Variants in GNAL observed in about 807,000 individuals in gnomAD.
GNAL encodes guanine nucleotide-binding protein G(olf) subunit alpha.
In GNAL, 18 loss-of-function variants were observed where a neutral mutation model predicts 55.1. The ratio of observed to expected loss-of-function variants is 0.33; its 90% CI spans 0.23 to 0.48. The LOEUF (loss-of-function observed/expected upper bound fraction) is 0.48, where lower values mean the gene tolerates loss of function less well. Ranked by LOEUF, GNAL falls within the 20% of genes least tolerant of loss-of-function variation. The pLI, the probability that GNAL is intolerant of heterozygous loss-of-function variation, is 0.99. For synonymous variants in GNAL, 253 were observed against 237.0 expected, an observed-to-expected ratio of 1.07 and a Z score of -0.62; for missense variants, 412 against 614.1, an observed-to-expected ratio of 0.67 and a Z score of 3.48.
At chr18:11,797,723 C>T (rs2034427036) in intron 4 of GNAL, among the ~76,000 whole-genome samples, 1 of 149,938 alleles carries the variant, frequency 6.7e-6, no homozygotes, top group Non-Finnish European at 1.5e-5. Context: ...CATGCCATTG[C>T]ACTCCCCTTT....
At chr18:11,870,406 A>C (rs1163088472) in intron 9 of GNAL, among the ~76,000 whole-genome samples, 1 of 152,174 alleles carries the variant, frequency 6.6e-6, no homozygotes, top group African/African-American at 2.4e-5. Context: ...CTGTAATCCC[A>C]GCTACTCGGG....
At chr18:11,762,846 T>C (rs2033288020) in intron 4 of GNAL, among the ~76,000 whole-genome samples, 1 of 152,224 alleles carries the variant, frequency 6.6e-6, no homozygotes, top group Admixed American at 6.5e-5. Context: ...TTGTCTGTCA[T>C]TGGACAAAGG....
chr18:11,824,932 T>A lies in GNAL; in HGVS notation c.639T>A (p.His213Gln). The change falls in exon 5 of 12, where the codon CAT becomes CAA. Residue 213 changes from histidine to glutamine, a missense_variant. Transcript: ENST00000334049. Reference protein sequence around the residue: ...DFEYSQEFFDHVKKLWDDEGV... With the variant: ...DFEYSQEFFDQVKKLWDDEGV... The stretch of plus-strand genomic sequence containing the variant: ...TCAAACTTTAGGAATTCTTTGACCA[T>A]GTGAAAAAACTTTGGGACGATGAAG... 1 of 1,581,306 alleles carries A rather than the reference T, an allele frequency of 6.3e-7. No individual in the cohort carries two copies. Among genetic ancestry groups the A allele is most frequent in the Non-Finnish European group, 8.7e-7 (1 of 1,153,826 alleles).
At chr18:11,719,253 G>T (rs1176809484) in intron 1 of GNAL, among the ~76,000 whole-genome samples, 1 of 151,802 alleles carries the variant, frequency 6.6e-6, no homozygotes, top group African/African-American at 2.4e-5. Flanking sequence ...CCAGTCACGT[G>T]ATGGTTGAGG....
chr18:11,812,838 G>A (rs1318495954), intron 4 of GNAL, among the ~76,000 whole-genome samples: 9 of 150,314 alleles, frequency 6.0e-5, no homozygotes, highest in Admixed American at 4.0e-4. Flanking sequence ...GTGAGACTCC[G>A]TCTCAAAAAA....
chr18:11,872,991 C>G (rs1395526894), intron 10 of GNAL, among the ~76,000 whole-genome samples: 1 of 152,170 alleles, frequency 6.6e-6, no homozygotes, highest in African/African-American at 2.4e-5. Flanking sequence ...CCCAGGCCAC[C>G]TGAGACTGAG....
intron 4 of GNAL, among the ~76,000 whole-genome samples, chr18:11,791,650 A>G (rs1473496981): frequency 6.6e-6 from 1 of 152,222 alleles, no homozygotes; most frequent in Non-Finnish European, 1.5e-5. Flanking sequence ...TCTATTTAGG[A>G]AAGACTTTAT....
intron 5 of GNAL, chr18:11,853,106 T>C (rs927107880): frequency 1.2e-5 from 2 of 167,088 alleles, no homozygotes; most frequent in African/African-American, 4.8e-5. Flanking sequence ...AAAATAGAAA[T>C]AAAATTAGAA....
At position 11,862,416 on chromosome 18, in the gene GNAL, C is replaced by A; in HGVS notation, c.744C>A (p.Ser248Arg). The change falls in exon 6 of 12, where the codon AGC (serine) becomes AGA (arginine). Residue 248 changes from serine to arginine, a missense_variant. Ser to Arg is a moderately radical substitution (Grantham distance 110). Transcript: ENST00000334049. ...GCAGCTTCCTGGAAAGAATCGACAGCGTCAGCTTGGTTGACTACACACCCA... is the reference window on the plus strand; with the variant it reads ...GCAGCTTCCTGGAAAGAATCGACAGAGTCAGCTTGGTTGACTACACACCCA... ...CAQYFLERID[S>R]VSLVDYTPTD... 6.2e-7 allele frequency: 1 copy of A among 1,613,564 alleles called. No individual in the cohort carries two copies. The highest frequency in any genetic ancestry group is 1.1e-5 in the South Asian group (1 of 91,064).
chr18:11,812,805 T>G (rs950961062), intron 4 of GNAL, among the ~76,000 whole-genome samples: 1 of 151,556 alleles, frequency 6.6e-6, no homozygotes, highest in Non-Finnish European at 1.5e-5. Context: ...CTCGCACCAC[T>G]GCACTCCAGC....
intron 4 of GNAL, among the ~76,000 whole-genome samples, chr18:11,820,309 A>C (rs937071806): frequency 1.3e-5 from 2 of 152,188 alleles, no homozygotes; most frequent in Admixed American, 6.6e-5. Context: ...GCGTATTTTG[A>C]TCCCTATCAG....
intron 1 of GNAL, among the ~76,000 whole-genome samples, chr18:11,723,860 C>G (rs1270198165): frequency 6.6e-6 from 1 of 152,204 alleles, no homozygotes; most frequent in African/African-American, 2.4e-5. Context: ...CACCTCTCCC[C>G]CACTCTGCAC....
intron 1 of GNAL, among the ~76,000 whole-genome samples, chr18:11,709,358 A>C (rs2031786733): frequency 6.8e-6 from 1 of 147,600 alleles, no homozygotes; most frequent in African/African-American, 2.5e-5. Flanking sequence ...AGTCATTAGG[A>C]TTTCCCTGGG....
At chr18:11,796,353 G>A (rs989612824) in intron 4 of GNAL, among the ~76,000 whole-genome samples, 8 of 150,748 alleles carry the variant, frequency 5.3e-5, no homozygotes, top group African/African-American at 9.8e-5. Context: ...TGAGGCGGGC[G>A]GATCACGAGG....
chr18:11,845,438 T>TA (rs59734555), intron 5 of GNAL, among the ~76,000 whole-genome samples: 144,899 of 149,060 alleles, frequency 0.97, 70,458 homozygotes, highest in East Asian at 1. Context: ...TTCTTGAAAA[T>TA]AAAAAAAAAA....
At chr18:11,721,601 C>G (rs1235442175) in intron 1 of GNAL, among the ~76,000 whole-genome samples, 2 of 150,340 alleles carry the variant, frequency 1.3e-5, no homozygotes, top group Non-Finnish European at 3.0e-5. Flanking sequence ...ATTAAAAATA[C>G]AAAAGTTAGC....
At chr18:11,823,133 G>A (rs1598408031) in intron 4 of GNAL, among the ~76,000 whole-genome samples, 1 of 152,280 alleles carries the variant, frequency 6.6e-6, no homozygotes, top group East Asian at 1.9e-4. Context: ...CATAATGCAG[G>A]ATTGATCTTT....
intron 5 of GNAL, among the ~76,000 whole-genome samples, chr18:11,837,827 G>C (rs141952690): frequency 1.6e-4 from 25 of 152,274 alleles, no homozygotes; most frequent in Non-Finnish European, 3.4e-4. Context: ...ACTCATAGCA[G>C]CATTATTCAT....
intron 4 of GNAL, among the ~76,000 whole-genome samples, chr18:11,821,168 A>G (rs1456173276): frequency 1.3e-5 from 2 of 152,220 alleles, no homozygotes; most frequent in African/African-American, 4.8e-5. Flanking sequence ...GGGAATCCTC[A>G]TGAGTGTCTT....
Sources: gnomAD v4.1 joint callset for allele counts (sites outside exome capture counted in the v4.1 genomes callset) on GRCh38, gnomAD v4.1.1 for gene constraint, MANE v1.5 for transcripts, NCBI Gene and HGNC (gene_info 2026-07-23, HGNC 2026-07-21) for gene names.